Variants in STYXL1 observed in about 807,000 individuals in gnomAD.
The protein encoded by STYXL1 is serine/threonine/tyrosine-interacting-like protein 1.
STYXL1 carries 32 observed loss-of-function variants against 36.4 expected under a neutral mutation model. That is an observed-to-expected ratio of 0.88 (90% CI 0.66 to 1.18). The LOEUF (loss-of-function observed/expected upper bound fraction) is 1.18, where lower values mean the gene tolerates loss of function less well. Among genes scored for constraint, STYXL1 ranks in the 50% most tolerant of loss-of-function variants. STYXL1 has a pLI of 0.00. For synonymous variants in STYXL1, 133 were observed against 144.1 expected, an observed-to-expected ratio of 0.92 and a Z score of 0.55; for missense variants, 354 against 394.1, an observed-to-expected ratio of 0.90 and a Z score of 0.86.
Position 76,047,872 on chromosome 7 carries a change from G to A in STYXL1, c.-215C>T, listed in dbSNP as rs1311274131. ...AAAGCCCGTCCTCTTCCACCTCTTG[G>A]GTGCAGACTGGCCCTCCCACTCCGA... On this transcript the variant is annotated 5_prime_UTR_variant, in exon 1 of 9. Coordinates refer to ENST00000359697, the MANE Select transcript of STYXL1 (RefSeq NM_001317785.2). The A allele has an allele frequency of 1.5e-6, 2 of 1,356,518 alleles. No homozygotes were observed. Among genetic ancestry groups the A allele is most frequent in the African/African-American group, 3.0e-5 (2 of 66,452 alleles). 84.0% of individuals were successfully genotyped at this position (1,356,518 alleles called of 1,614,324 possible). A position where few individuals can be genotyped will look rare whatever the true frequency, so the allele number is the denominator to read the frequency against.
chr7:76,042,194 C>T (rs782775031), intron 1 of STYXL1, among the ~76,000 whole-genome samples: 40 of 152,008 alleles, frequency 2.6e-4, no homozygotes, highest in Non-Finnish European at 4.3e-4. Flanking sequence ...TTCAGCTTGG[C>T]CCTCATAGCC....
intron 2 of STYXL1, 77 bp from the exon 3 acceptor site, chr7:76,028,780 AT>A (rs1795014776): frequency 1.6e-6 from 2 of 1,283,670 alleles, no homozygotes; most frequent in African/African-American, 2.9e-5. Flanking sequence ...CTACGTCGTC[AT>A]CAACGTCTAT....
intron 1 of STYXL1, among the ~76,000 whole-genome samples, chr7:76,038,890 G>A (rs1238158238): frequency 6.7e-6 from 1 of 148,664 alleles, no homozygotes; most frequent in Non-Finnish European, 1.5e-5. Context: ...GGGCTCAAGT[G>A]AGCCTCCCAC....
chr7:76,032,884 A>G (rs1329397941), intron 1 of STYXL1, among the ~76,000 whole-genome samples: 1 of 152,130 alleles, frequency 6.6e-6, no homozygotes, highest in Non-Finnish European at 1.5e-5. Context: ...GGATAAGAAC[A>G]TTCTGCTTGG....
intron 1 of STYXL1, among the ~76,000 whole-genome samples, chr7:76,042,087 T>G (rs1374327945): frequency 6.6e-6 from 1 of 152,200 alleles, no homozygotes; most frequent in Non-Finnish European, 1.5e-5. Context: ...TGTACGCATG[T>G]GTGTGAGTCT....
At chr7:76,042,573 A>G (rs1796584281) in intron 1 of STYXL1, among the ~76,000 whole-genome samples, 1 of 150,712 alleles carries the variant, frequency 6.6e-6, no homozygotes, top group South Asian at 2.1e-4. Context: ...CTCCCGGCTA[A>G]TTTTTTGTAT....
intron 4 of STYXL1, among the ~76,000 whole-genome samples, chr7:76,018,697 T>C (rs1793687613): frequency 6.6e-6 from 1 of 152,180 alleles, no homozygotes. Flanking sequence ...CCCAGCCCCA[T>C]TCCTTTTTAT....
chr7:76,007,314 T>G (rs1554570746), intron 5 of STYXL1, among the ~76,000 whole-genome samples: 1 of 152,046 alleles, frequency 6.6e-6, no homozygotes, highest in Non-Finnish European at 1.5e-5. Context: ...TAGTCCCAGC[T>G]ACTCGGGAGG....
chr7:76,005,807 G>C (rs1268464245), intron 5 of STYXL1, among the ~76,000 whole-genome samples: 1 of 149,448 alleles, frequency 6.7e-6, no homozygotes, highest in African/African-American at 2.5e-5. Context: ...TCGAGAGAGA[G>C]AGAGAAGGAG....
intron 3 of STYXL1, among the ~76,000 whole-genome samples, chr7:76,026,155 G>A (rs1243042423): frequency 1.0e-3 from 113 of 109,704 alleles, no homozygotes; most frequent in African/African-American, 3.7e-3. Flanking sequence ...TTGCACCACT[G>A]CACTCCAGCC....
At chr7:76,019,025 G>A (rs899649964) in intron 4 of STYXL1, among the ~76,000 whole-genome samples, 1 of 152,146 alleles carries the variant, frequency 6.6e-6, no homozygotes, top group African/African-American at 2.4e-5. Context: ...CCCAGTGGGC[G>A]TGAATAATAT....
chr7:76,028,450 G>C (rs1234063210), intron 3 of STYXL1, among the ~76,000 whole-genome samples, 192 bp downstream of exon 3: 10 of 152,154 alleles, frequency 6.6e-5, no homozygotes, highest in Admixed American at 6.6e-4. Flanking sequence ...TGGAGTTGTT[G>C]ACCATTCTTG....
At chr7:76,014,844 C>T (rs1437104099) in intron 4 of STYXL1, among the ~76,000 whole-genome samples, 2 of 151,862 alleles carry the variant, frequency 1.3e-5, no homozygotes, top group African/African-American at 4.8e-5. Flanking sequence ...CACAATTCAC[C>T]CATTTAAAGT....
intron 6 of STYXL1, 85 bp downstream of exon 6, chr7:76,005,170 TAATA>T: frequency 1.2e-6 from 1 of 839,796 alleles, no homozygotes; most frequent in Non-Finnish European, 1.5e-6. Context: ...AGTGTAATAA[TAATA>T]AAATTAAAAA....
intron 1 of STYXL1, among the ~76,000 whole-genome samples, chr7:76,039,519 C>T (rs1437115657): frequency 6.6e-6 from 1 of 152,142 alleles, no homozygotes; most frequent in Non-Finnish European, 1.5e-5. Context: ...CAGAAGTGGG[C>T]CTGAAATCTG....
intron 8 of STYXL1, 28 bp from the exon 9 acceptor site, chr7:75,996,627 T>C (rs913327814): frequency 1.2e-5 from 20 of 1,611,524 alleles, no homozygotes; most frequent in Non-Finnish European, 1.7e-5. Context: ...GAAAGTGAAC[T>C]TCACGATTGG....
chr7:76,022,275 T>C (rs1466881346), intron 3 of STYXL1, among the ~76,000 whole-genome samples: 1 of 152,226 alleles, frequency 6.6e-6, no homozygotes, highest in East Asian at 1.9e-4. Context: ...ATCCACAGCC[T>C]ATTAGGTACC....
rs1563457521 is a variant in STYXL1, at chr7:76,000,266, A to AC, written c.810+623dup. ...AAAGGACTTTCTAGCCTACAACTTC[A>AC]CCCCCAAAGTGCACATGGGGGCAAC... On this transcript the variant is annotated intron_variant, in intron 8 of 8. Transcript: ENST00000359697. 2.0e-5 allele frequency among the ~76,000 whole-genome samples: 3 copies of AC among 146,442 alleles called. No homozygotes were observed. The Admixed American group carries it at 2.1e-4, about 10-fold the overall frequency.
At chr7:76,026,992 G>A (rs1794788370) in intron 3 of STYXL1, among the ~76,000 whole-genome samples, 1 of 152,178 alleles carries the variant, frequency 6.6e-6, no homozygotes, top group African/African-American at 2.4e-5. Flanking sequence ...GAACCTGGGA[G>A]GCAGAGGTTG....
Sources: allele counts gnomAD v4.1 joint callset (sites outside exome capture counted in the v4.1 genomes callset), GRCh38; gene constraint gnomAD v4.1.1; transcripts MANE v1.5; gene names NCBI Gene and HGNC (gene_info 2026-07-23, HGNC 2026-07-21).